SAMTOR: variants seen among roughly 807,000 people sequenced by gnomAD.
SAMTOR encodes UPF0532 protein C7orf60.
At chr7:112,825,753 T>G in the SAMTOR span, among the ~76,000 whole-genome samples, 1 of 152,210 alleles carries the variant, frequency 6.6e-6, no homozygotes, top group African/African-American at 2.4e-5. Context: ...TTATCTTGTT[T>G]TTGTGAGAAA....
At chr7:112,904,302 A>G in the SAMTOR span, among the ~76,000 whole-genome samples, 2 of 152,314 alleles carry the variant, frequency 1.3e-5, no homozygotes, top group Middle Eastern at 6.8e-3. Context: ...AGTCATGAAG[A>G]AAACCATAGT....
At chr7:112,871,706 G>C in the SAMTOR span, among the ~76,000 whole-genome samples, 2 of 150,858 alleles carry the variant, frequency 1.3e-5, no homozygotes, top group African/African-American at 2.5e-5. Context: ...CCATACAAAT[G>C]ATCAATGTTA....
At chr7:112,894,647 C>T in the SAMTOR span, among the ~76,000 whole-genome samples, 3 of 152,110 alleles carry the variant, frequency 2.0e-5, no homozygotes, top group Non-Finnish European at 2.9e-5. Flanking sequence ...CTTATAAAAC[C>T]ATCAGATCTC....
the SAMTOR span, among the ~76,000 whole-genome samples, chr7:112,845,986 G>A: frequency 6.6e-5 from 10 of 152,046 alleles, no homozygotes; most frequent in South Asian, 2.1e-4. Flanking sequence ...AATAGTGCAT[G>A]TTTTCACTTA....
the SAMTOR span, among the ~76,000 whole-genome samples, chr7:112,921,643 C>A: frequency 6.8e-6 from 1 of 146,956 alleles, no homozygotes; most frequent in Non-Finnish European, 1.5e-5. Flanking sequence ...AAGAAACTAC[C>A]ATCAGAGTGA....
chr7:112,849,544 A>G, the SAMTOR span, among the ~76,000 whole-genome samples: 1,626 of 152,288 alleles, frequency 0.011, 30 homozygotes, highest in African/African-American at 0.037. Flanking sequence ...TTTCATCAGC[A>G]AACAGAGAAA....
the SAMTOR span, chr7:112,895,734 C>G: frequency 6.5e-7 from 1 of 1,527,070 alleles, no homozygotes. Context: ...ATATTCTCTG[C>G]ATACACTACA....
the SAMTOR span, among the ~76,000 whole-genome samples, chr7:112,873,237 C>G: frequency 1.1e-4 from 16 of 152,004 alleles, no homozygotes; most frequent in African/African-American, 2.2e-4. Flanking sequence ...TCACATGGAA[C>G]CAAAAAAGAG....
chr7:112,831,905 G>A, the SAMTOR span, among the ~76,000 whole-genome samples: 4 of 151,818 alleles, frequency 2.6e-5, no homozygotes, highest in Non-Finnish European at 4.4e-5. Flanking sequence ...CTACAACACT[G>A]TATATTTCAG....
the SAMTOR span, among the ~76,000 whole-genome samples, chr7:112,856,233 ATTTTTATTTACTTTTTTTTTCTTTTT>A: frequency 2.6e-5 from 4 of 151,478 alleles, no homozygotes; most frequent in African/African-American, 9.7e-5. Flanking sequence ...AAAGTGTATT[ATTTTTATTTACTTTTTTTTTCTTTTT>A]TTTTTTTCGA....
the SAMTOR span, among the ~76,000 whole-genome samples, chr7:112,875,809 G>C: frequency 6.6e-6 from 1 of 152,108 alleles, no homozygotes; most frequent in Non-Finnish European, 1.5e-5. Flanking sequence ...GAACTGTTAC[G>C]TTCACTGTGG....
chr7:112,897,490 T>A, the SAMTOR span, among the ~76,000 whole-genome samples: 1 of 152,040 alleles, frequency 6.6e-6, no homozygotes. Context: ...GGCAGTAAAA[T>A]ACTTAAAGGG....
At chr7:112,855,917 A>C in the SAMTOR span, among the ~76,000 whole-genome samples, 4 of 152,162 alleles carry the variant, frequency 2.6e-5, no homozygotes, top group African/African-American at 9.7e-5. Context: ...TTAAAAAAAA[A>C]AAACTTTTAC....
the SAMTOR span, among the ~76,000 whole-genome samples, chr7:112,905,559 A>G: frequency 3.9e-5 from 6 of 152,218 alleles, no homozygotes; most frequent in African/African-American, 7.2e-5. Context: ...TTAAATTTTA[A>G]CAAACAGAAT....
chr7:112,863,405 A>G, the SAMTOR span, among the ~76,000 whole-genome samples: 1 of 152,246 alleles, frequency 6.6e-6, no homozygotes, highest in Non-Finnish European at 1.5e-5. Flanking sequence ...TGCTAAAAGC[A>G]GTTGCACAAA....
At chr7:112,926,290 T>C in the SAMTOR span, among the ~76,000 whole-genome samples, 10 of 152,186 alleles carry the variant, frequency 6.6e-5, no homozygotes, top group Non-Finnish European at 1.2e-4. Flanking sequence ...CCTTGCCATG[T>C]CACTATATAC....
chr7:112,906,588 G>A, the SAMTOR span, among the ~76,000 whole-genome samples: 2 of 64,154 alleles, frequency 3.1e-5, no homozygotes, highest in African/African-American at 1.1e-4. Flanking sequence ...TTTTTTTTTT[G>A]AGACAGAGTC....
At chr7:112,880,098 G>A in the SAMTOR span, among the ~76,000 whole-genome samples, 4 of 152,026 alleles carry the variant, frequency 2.6e-5, 1 homozygote, top group South Asian at 8.3e-4. Flanking sequence ...AATTCCTCCA[G>A]ACAATTTCTT....
chr7:112,922,804 G>A, the SAMTOR span, among the ~76,000 whole-genome samples: 2 of 150,634 alleles, frequency 1.3e-5, 1 homozygote, highest in South Asian at 4.2e-4. Flanking sequence ...CCCCCGCCAG[G>A]CCAGCCGCCC....
Sources: gnomAD v4.1 joint callset for allele counts (sites outside exome capture counted in the v4.1 genomes callset) on GRCh38, gnomAD v4.1.1 for gene constraint, MANE v1.5 for transcripts, NCBI Gene and HGNC (gene_info 2026-07-23, HGNC 2026-07-21) for gene names.